The following TET2 variants were observed in gnomAD, a reference collection of about 807,000 sequenced individuals.
TET2 encodes methylcytosine dioxygenase TET2.
TET2 carries 299 observed loss-of-function variants against 142.9 expected under a neutral mutation model. The ratio of observed to expected loss-of-function variants is 2.09; its 90% confidence interval spans 1.90 to 2.30. TET2 has a LOEUF of 2.30. TET2 is among the 30% of genes most tolerant of loss of function. The pLI is 0.00. For synonymous variants in TET2, 819 were observed against 849.0 expected, an observed-to-expected ratio of 0.96 and a Z score of 0.61; for missense variants, 2,418 against 2,378.0, an observed-to-expected ratio of 1.02 and a Z score of -0.35.
intron 2 of TET2, among the ~76,000 whole-genome samples, chr4:105,223,395 G>A (rs1471411051): frequency 6.6e-6 from 1 of 151,942 alleles, no homozygotes; most frequent in Admixed American, 6.6e-5. Flanking sequence ...AATTAACGAA[G>A]AATAGTTTTT....
chr4:105,221,332 G>T (rs1727804143), intron 2 of TET2, among the ~76,000 whole-genome samples: 1 of 152,140 alleles, frequency 6.6e-6, no homozygotes, highest in Non-Finnish European at 1.5e-5. Flanking sequence ...ACTGAAAGCA[G>T]ATTTATACTA....
intron 1 of TET2, among the ~76,000 whole-genome samples, chr4:105,148,838 AAC>A (rs982572125): frequency 6.6e-5 from 10 of 152,304 alleles, no homozygotes; most frequent in African/African-American, 2.2e-4. Flanking sequence ...TAGAAGGAAA[AAC>A]ACAATAATAG....
intron 2 of TET2, among the ~76,000 whole-genome samples, chr4:105,206,238 C>T (rs949223193): frequency 8.5e-5 from 13 of 152,318 alleles, no homozygotes; most frequent in African/African-American, 3.1e-4. Context: ...TATATATTTC[C>T]TTTCCCCAGC....
At chr4:105,273,228 A>G (rs374909301) in intron 10 of TET2, among the ~76,000 whole-genome samples, 7 of 152,310 alleles carry the variant, frequency 4.6e-5, no homozygotes, top group African/African-American at 1.7e-4. Context: ...GGAAAGTTAT[A>G]TCAATCATGG....
At chr4:105,165,990 C>G (rs948616542) in intron 1 of TET2, among the ~76,000 whole-genome samples, 4 of 152,116 alleles carry the variant, frequency 2.6e-5, no homozygotes, top group Admixed American at 6.6e-5. Flanking sequence ...TGCCTTCTGT[C>G]AACTCCTGTA....
In TET2 at chr4:105,198,680, G is replaced by A. The variant is rs183237939; in HGVS notation, c.-47+8175G>A. ...CATCTGGAAAAAATATGCCTTGTAG[G>A]CTGAAAAAATGAACATTCCCTTTCC... On this transcript the variant is annotated intron_variant, in intron 2 of 10. Coordinates refer to ENST00000380013, the MANE Select transcript of TET2 (RefSeq NM_001127208.3). 1.6e-3 allele frequency among the ~76,000 whole-genome samples: 238 copies of A among 152,234 alleles called. 2 individuals are homozygous for A. Among genetic ancestry groups the A allele is most frequent in the Non-Finnish European group, 8.4e-4 (57 of 68,008 alleles).
chr4:105,171,100 GT>G (rs1724440825), intron 1 of TET2, among the ~76,000 whole-genome samples: 1 of 151,950 alleles, frequency 6.6e-6, no homozygotes, highest in Admixed American at 6.6e-5. Context: ...TTTGAGTGCA[GT>G]TTTCTTCCTG....
intron 2 of TET2, among the ~76,000 whole-genome samples, chr4:105,200,542 A>T (rs1726392238): frequency 6.6e-6 from 1 of 151,904 alleles, no homozygotes; most frequent in African/African-American, 2.4e-5. Context: ...GAATGTCTTT[A>T]GTTTAATTAG....
At chr4:105,171,435 A>T (rs1421816690) in intron 1 of TET2, 1 of 152,246 alleles carries the variant, frequency 6.6e-6, no homozygotes, top group Non-Finnish European at 1.5e-5. Context: ...ATAAGTTTTA[A>T]TATATGTTAT....
intron 2 of TET2, among the ~76,000 whole-genome samples, chr4:105,227,075 G>T (rs1250479395): frequency 6.6e-6 from 1 of 152,172 alleles, no homozygotes; most frequent in African/African-American, 2.4e-5. Context: ...AGAGCACATT[G>T]TGAAACTTTC....
chr4:105,206,017 C>CAAA (rs1560751673), intron 2 of TET2, among the ~76,000 whole-genome samples: 2 of 152,162 alleles, frequency 1.3e-5, no homozygotes. Context: ...AAGATCAGGT[C>CAAA]ATGCCCACCC....
At chr4:105,170,635 A>T (rs1724410926) in intron 1 of TET2, among the ~76,000 whole-genome samples, 1 of 152,174 alleles carries the variant, frequency 6.6e-6, no homozygotes, top group African/African-American at 2.4e-5. Context: ...TATAGGTGAA[A>T]TTAGGCTTTT....
At chr4:105,197,561 A>G (rs1184229976) in intron 2 of TET2, among the ~76,000 whole-genome samples, 1 of 152,166 alleles carries the variant, frequency 6.6e-6, no homozygotes, top group Non-Finnish European at 1.5e-5. Context: ...CTGAGAATGG[A>G]TGCAGGCTTG....
chr4:105,196,410 C>A (rs1337318531), intron 2 of TET2, among the ~76,000 whole-genome samples: 1 of 152,092 alleles, frequency 6.6e-6, no homozygotes, highest in Non-Finnish European at 1.5e-5. Context: ...CCTACTTATC[C>A]CCTTTTCAGA....
In TET2 at chr4:105,186,900, T is replaced by C. The variant is rs546849007; in HGVS notation, c.-192-3460T>C. The stretch of plus-strand genomic sequence containing the variant: ...GCAAAGCTGAACAAAGCCAGAATTA[T>C]TGGCTACTGAGGAACTATATTCTAG... On this transcript the variant is annotated intron_variant, in intron 1 of 10. Coordinates refer to ENST00000380013, the MANE Select transcript of TET2 (RefSeq NM_001127208.3). Among the ~76,000 whole-genome samples the C allele has an allele frequency of 6.3e-4, 96 of 152,378 alleles. 1 individual carries two copies. In the South Asian group the frequency reaches 0.019, roughly 30 times the overall value.
chr4:105,191,208 AAAAG>A (rs1578590028), intron 2 of TET2, among the ~76,000 whole-genome samples: 1 of 152,320 alleles, frequency 6.6e-6, no homozygotes, highest in East Asian at 1.9e-4. Flanking sequence ...CTGAAAATAC[AAAAG>A]AAAGAGGGAG....
intron 8 of TET2, among the ~76,000 whole-genome samples, chr4:105,266,595 T>C (rs777052457): frequency 2.6e-5 from 4 of 151,980 alleles, no homozygotes; most frequent in Non-Finnish European, 5.9e-5. Context: ...CAGAAGATAT[T>C]AAAATACCCT....
chr4:105,163,854 AGTGTGTGT>A (rs111673454), intron 1 of TET2, among the ~76,000 whole-genome samples: 1 of 85,240 alleles, frequency 1.2e-5, no homozygotes, highest in African/African-American at 4.5e-5. Flanking sequence ...AGAGAGAGAG[AGTGTGTGT>A]GTGTGTGTGT....
chr4:105,232,328 G>A (rs1235521735), intron 2 of TET2, among the ~76,000 whole-genome samples: 3 of 152,124 alleles, frequency 2.0e-5, no homozygotes, highest in Non-Finnish European at 2.9e-5. Flanking sequence ...ATGAACATAC[G>A]TGTGCAATAT....
Sources: gnomAD v4.1 joint callset for allele counts (sites outside exome capture counted in the v4.1 genomes callset) on GRCh38, gnomAD v4.1.1 for gene constraint, MANE v1.5 for transcripts, NCBI Gene and HGNC (gene_info 2026-07-23, HGNC 2026-07-21) for gene names.